Variants in ENTREP2 observed in about 807,000 individuals in gnomAD.
ENTREP2 encodes the protein protein ENTREP2.
At chr15:29,632,713 G>A in the ENTREP2 span, among the ~76,000 whole-genome samples, 1 of 151,998 alleles carries the variant, frequency 6.6e-6, no homozygotes, top group African/African-American at 2.4e-5. Flanking sequence ...TTCAACCCAG[G>A]AGGCAGAGGT....
At chr15:29,523,901 A>T in the ENTREP2 span, among the ~76,000 whole-genome samples, 2 of 152,228 alleles carry the variant, frequency 1.3e-5, no homozygotes, top group Non-Finnish European at 1.5e-5. Context: ...TTGATCAAAG[A>T]CCTAAATATA....
At chr15:29,502,681 A>C in the ENTREP2 span, among the ~76,000 whole-genome samples, 12 of 152,096 alleles carry the variant, frequency 7.9e-5, no homozygotes, top group Non-Finnish European at 1.8e-4. Flanking sequence ...AGACATTTAC[A>C]AATCATATGT....
the ENTREP2 span, chr15:29,613,980 T>C: frequency 1.3e-5 from 2 of 154,096 alleles, no homozygotes; most frequent in African/African-American, 2.4e-5. Flanking sequence ...AGGAAGTCAA[T>C]GAGCAGATGC....
the ENTREP2 span, among the ~76,000 whole-genome samples, chr15:29,487,682 A>C: frequency 6.6e-6 from 1 of 152,142 alleles, no homozygotes; most frequent in South Asian, 2.1e-4. Flanking sequence ...TTAATATGCA[A>C]AATGTCCAGG....
the ENTREP2 span, among the ~76,000 whole-genome samples, chr15:29,354,812 G>C: frequency 1.3e-5 from 2 of 152,140 alleles, no homozygotes; most frequent in African/African-American, 4.8e-5. Flanking sequence ...GACCAGGCCA[G>C]ATACTGCAAA....
At chr15:29,339,411 A>G in the ENTREP2 span, among the ~76,000 whole-genome samples, 3 of 152,240 alleles carry the variant, frequency 2.0e-5, no homozygotes, top group African/African-American at 7.2e-5. Flanking sequence ...CAGGCATGAT[A>G]TGAGAGATCC....
chr15:29,343,228 AT>A, the ENTREP2 span, among the ~76,000 whole-genome samples: 3 of 152,116 alleles, frequency 2.0e-5, no homozygotes, highest in Non-Finnish European at 2.9e-5. Flanking sequence ...GTGCCTGGTC[AT>A]TTGGTTAAAC....
chr15:29,262,189 T>C, the ENTREP2 span, among the ~76,000 whole-genome samples: 1 of 152,138 alleles, frequency 6.6e-6, no homozygotes, highest in South Asian at 2.1e-4. Flanking sequence ...ATTGGTTTCC[T>C]TCCATGGTTC....
At chr15:29,128,435 G>A in the ENTREP2 span, among the ~76,000 whole-genome samples, 3,453 of 152,152 alleles carry the variant, frequency 0.023, 132 homozygotes, top group African/African-American at 0.078. Flanking sequence ...ACATTTGCCC[G>A]GTAGGTACAA....
At chr15:29,276,051 A>G in the ENTREP2 span, among the ~76,000 whole-genome samples, 1 of 152,258 alleles carries the variant, frequency 6.6e-6, no homozygotes, top group Non-Finnish European at 1.5e-5. Flanking sequence ...ATTCATTCAT[A>G]GCAAAGATCC....
At chr15:29,161,523 GA>G in the ENTREP2 span, among the ~76,000 whole-genome samples, 1 of 152,228 alleles carries the variant, frequency 6.6e-6, no homozygotes, top group East Asian at 1.9e-4. Context: ...TTGTTAGCTT[GA>G]AAGTAGGTTA....
chr15:29,162,283 A>G, the ENTREP2 span, among the ~76,000 whole-genome samples: 1 of 152,188 alleles, frequency 6.6e-6, no homozygotes, highest in South Asian at 2.1e-4. Flanking sequence ...GAAATTTGTA[A>G]CAATTTGAAC....
the ENTREP2 span, among the ~76,000 whole-genome samples, chr15:29,276,142 G>C: frequency 6.6e-6 from 1 of 152,200 alleles, no homozygotes; most frequent in African/African-American, 2.4e-5. Context: ...CAGCAACAGA[G>C]TTTTCCTTGG....
chr15:29,587,599 A>G, the ENTREP2 span, among the ~76,000 whole-genome samples: 2 of 152,158 alleles, frequency 1.3e-5, no homozygotes, highest in Non-Finnish European at 2.9e-5. Flanking sequence ...TTAGAAAACA[A>G]TTATCTTGCC....
At chr15:29,418,765 G>A in the ENTREP2 span, among the ~76,000 whole-genome samples, 2 of 152,160 alleles carry the variant, frequency 1.3e-5, no homozygotes, top group Non-Finnish European at 2.9e-5. Context: ...GCTAAACTCT[G>A]AAGCTTCTTT....
At chr15:29,410,309 T>C in the ENTREP2 span, among the ~76,000 whole-genome samples, 1 of 152,184 alleles carries the variant, frequency 6.6e-6, no homozygotes, top group African/African-American at 2.4e-5. Context: ...AACAGTGTCA[T>C]AGAAAAAACA....
At chr15:29,163,349 A>G in the ENTREP2 span, among the ~76,000 whole-genome samples, 1 of 152,222 alleles carries the variant, frequency 6.6e-6, no homozygotes, top group South Asian at 2.1e-4. Flanking sequence ...TCAGGAGGTT[A>G]GTTATTAAGC....
At chr15:29,665,497 A>G in the ENTREP2 span, among the ~76,000 whole-genome samples, 1 of 152,182 alleles carries the variant, frequency 6.6e-6, no homozygotes, top group African/African-American at 2.4e-5. Flanking sequence ...GTGGTAATGG[A>G]GACCCTCCAG....
the ENTREP2 span, among the ~76,000 whole-genome samples, chr15:29,552,034 A>C: frequency 3.9e-5 from 6 of 152,214 alleles, no homozygotes; most frequent in African/African-American, 1.4e-4. Flanking sequence ...GTAAATGCTT[A>C]AACGTGACAA....
Sources: allele counts gnomAD v4.1 joint callset (sites outside exome capture counted in the v4.1 genomes callset), GRCh38; gene constraint gnomAD v4.1.1; transcripts MANE v1.5; gene names NCBI Gene and HGNC (gene_info 2026-07-23, HGNC 2026-07-21).